The following ASIC2 variants were observed in gnomAD, a reference collection of about 807,000 sequenced individuals.
The protein encoded by ASIC2 is acid-sensing ion channel 2.
Under a neutral mutation model 57.3 loss-of-function variants are expected in ASIC2, and 25 were observed. The ratio of observed to expected loss-of-function variants is 0.44; its 90% CI spans 0.32 to 0.61. ASIC2 has a LOEUF of 0.61. Ranked by LOEUF, ASIC2 falls within the 20% of genes least tolerant of loss-of-function variation. ASIC2 has a pLI of 0.06. For synonymous variants in ASIC2, 319 were observed against 307.5 expected (o/e 1.04, Z -0.39); for missense variants, 641 against 738.1 (o/e 0.87, Z 1.52).
chr17:33,300,942 A>T (rs1322119095), intron 1 of ASIC2, among the ~76,000 whole-genome samples: 1 of 152,166 alleles, frequency 6.6e-6, no homozygotes, highest in Non-Finnish European at 1.5e-5. Context: ...TTGATAGTTG[A>T]CATTGATTGA....
intron 1 of ASIC2, among the ~76,000 whole-genome samples, chr17:34,132,586 GCTGATTGGTGCGTTTTACAGAGCA>G (rs71147420): frequency 0.33 from 49,005 of 148,222 alleles, 8,788 homozygotes; most frequent in Middle Eastern, 0.45. Context: ...TTTACAGAGT[GCTGATTGGTGCGTTTTACAGAGCA>G]CTGATTGGTG....
intron 1 of ASIC2, among the ~76,000 whole-genome samples, chr17:34,105,335 T>C (rs1173817117): frequency 6.6e-6 from 1 of 151,920 alleles, no homozygotes; most frequent in East Asian, 1.9e-4. Flanking sequence ...AGATAACTTG[T>C]GTTTTTCCTG....
At chr17:33,381,313 C>A (rs918178469) in intron 1 of ASIC2, among the ~76,000 whole-genome samples, 2 of 152,248 alleles carry the variant, frequency 1.3e-5, no homozygotes, top group Non-Finnish European at 2.9e-5. Context: ...GGTTCACACC[C>A]ATCCTGGGCT....
At chr17:34,137,004 T>C (rs1277173157) in intron 1 of ASIC2, among the ~76,000 whole-genome samples, 5 of 152,216 alleles carry the variant, frequency 3.3e-5, no homozygotes, top group Non-Finnish European at 7.3e-5. Flanking sequence ...ATTCTACTCC[T>C]TTTGAAGGCA....
chr17:33,239,928 C>T lies in ASIC2; in HGVS notation c.708+51480G>A, dbSNP rs570809088. 5.8e-4 allele frequency among the ~76,000 whole-genome samples: 89 copies of T among 152,300 alleles called. 1 individual carries two copies. Among genetic ancestry groups the T allele is most frequent in the African/African-American group, 2.1e-3 (87 of 41,568 alleles). On this transcript the variant is annotated intron_variant, in intron 1 of 9. Transcript: ENST00000225823. ...CTTCCCAAGACTAGGTTAGGCCTCC[C>T]TTATCCTTACTTCCCCCCACGCTGC... is the stretch of plus-strand genomic sequence containing the variant.
intron 1 of ASIC2, among the ~76,000 whole-genome samples, chr17:33,885,386 T>C (rs1002738283): frequency 6.6e-6 from 1 of 152,206 alleles, no homozygotes; most frequent in East Asian, 1.9e-4. Context: ...AAGCAAGCTC[T>C]CAAAAACGTG....
At chr17:34,084,900 C>A (rs1039264582) in intron 1 of ASIC2, among the ~76,000 whole-genome samples, 2 of 152,202 alleles carry the variant, frequency 1.3e-5, no homozygotes, top group Non-Finnish European at 2.9e-5. Flanking sequence ...TATCCTGAGA[C>A]TTTGCTGAAG....
At chr17:33,619,795 G>C (rs1420757018) in intron 1 of ASIC2, among the ~76,000 whole-genome samples, 1 of 151,994 alleles carries the variant, frequency 6.6e-6, no homozygotes, top group African/African-American at 2.4e-5. Flanking sequence ...CCTTTTCTGT[G>C]ATGACAAGTT....
intron 1 of ASIC2, among the ~76,000 whole-genome samples, chr17:33,526,135 A>G (rs1233656098): frequency 6.6e-6 from 1 of 152,206 alleles, no homozygotes; most frequent in Non-Finnish European, 1.5e-5. Flanking sequence ...TCCCTGTTTT[A>G]TGTGTCAGGG....
At chr17:33,328,434 C>T (rs936617759) in intron 1 of ASIC2, among the ~76,000 whole-genome samples, 1 of 152,160 alleles carries the variant, frequency 6.6e-6, no homozygotes, top group African/African-American at 2.4e-5. Context: ...GATCCTCACA[C>T]TTCCTCCTTC....
chr17:33,983,814 T>G (rs12451414), intron 1 of ASIC2, among the ~76,000 whole-genome samples: 22,327 of 152,092 alleles, frequency 0.15, 1,955 homozygotes, highest in East Asian at 0.36. Flanking sequence ...ACCTGGGGAT[T>G]TTGCTACTGG....
chr17:33,195,322 A>G (rs994618797), intron 1 of ASIC2, among the ~76,000 whole-genome samples: 25 of 152,146 alleles, frequency 1.6e-4, no homozygotes, highest in African/African-American at 6.0e-4. Flanking sequence ...AGCACTCCAT[A>G]TCTGCATGAC....
At chr17:33,030,790 C>T (rs2091879827) in intron 3 of ASIC2, among the ~76,000 whole-genome samples, 1 of 152,124 alleles carries the variant, frequency 6.6e-6, no homozygotes, top group Admixed American at 6.5e-5. Context: ...CTCCTTCATT[C>T]TATTAACACA....
intron 1 of ASIC2, among the ~76,000 whole-genome samples, chr17:33,413,438 C>T (rs1195286194): frequency 1.3e-5 from 2 of 152,218 alleles, no homozygotes; most frequent in Non-Finnish European, 2.9e-5. Flanking sequence ...AATTTTACCT[C>T]CTAACTATCT....
At chr17:33,236,404 T>C (rs1908299279) in intron 1 of ASIC2, among the ~76,000 whole-genome samples, 1 of 152,150 alleles carries the variant, frequency 6.6e-6, no homozygotes, top group African/African-American at 2.4e-5. Flanking sequence ...TGGAGTGCAG[T>C]GGCACAACCA....
At position 34,045,649 on chromosome 17, in the gene ASIC2, G is replaced by GT. The variant is rs200191466; in HGVS notation, c.555+110328dup. ...TTCTGCAGAATGAAGGGATTAAAGAGTTGTTTTATGTTCAGAAGAGGTGAG... is the reference window on the plus strand; with the variant it reads ...TTCTGCAGAATGAAGGGATTAAAGAGTTTGTTTTATGTTCAGAAGAGGTGAG... On this transcript the variant is annotated intron_variant, in intron 1 of 9. Coordinates refer to the ASIC2 transcript ENST00000359872. 3.3e-5 allele frequency among the ~76,000 whole-genome samples: 5 copies of GT among 152,308 alleles called. No individual in the cohort carries two copies. The East Asian group carries it at 9.7e-4, about 29-fold the overall frequency.
At chr17:33,404,356 AAAAC>A (rs367735860) in intron 1 of ASIC2, among the ~76,000 whole-genome samples, 35 of 152,380 alleles carry the variant, frequency 2.3e-4, no homozygotes, top group African/African-American at 8.4e-4. Context: ...AGCCGTCCAA[AAAAC>A]AAACAAACAA....
chr17:33,613,447 C>G (rs1167724170), intron 1 of ASIC2, among the ~76,000 whole-genome samples: 1 of 150,596 alleles, frequency 6.6e-6, no homozygotes, highest in African/African-American at 2.5e-5. Flanking sequence ...TCACTGCAAG[C>G]TCCGCCTTCC....
chr17:33,650,512 C>A (rs776497018), intron 1 of ASIC2, among the ~76,000 whole-genome samples: 1 of 152,180 alleles, frequency 6.6e-6, no homozygotes, highest in African/African-American at 2.4e-5. Context: ...TATGTTCACA[C>A]AAAAATCAGT....
Sources: gnomAD v4.1 joint callset for allele counts (sites outside exome capture counted in the v4.1 genomes callset) on GRCh38, gnomAD v4.1.1 for gene constraint, MANE v1.5 for transcripts, NCBI Gene and HGNC (gene_info 2026-07-23, HGNC 2026-07-21) for gene names.